CDK6: variants seen among roughly 807,000 people sequenced by gnomAD.
The protein encoded by CDK6 is cyclin-dependent kinase 6.
In CDK6, 6 loss-of-function variants were observed where a neutral mutation model predicts 37.1. The ratio of observed to expected loss-of-function variants is 0.16; its 90% CI spans 0.09 to 0.32. The LOEUF is 0.32. Ranked by LOEUF, CDK6 falls within the 10% of genes least tolerant of loss-of-function variation. The probability of loss-of-function intolerance (pLI) is 1.00; values close to 1 mark genes in which losing one functional copy is unlikely to be tolerated. For synonymous variants in CDK6, 160 were observed against 161.3 expected (o/e 0.99, Z 0.06); for missense variants, 224 against 418.9 (o/e 0.53, Z 4.06).
At chr7:92,718,319 G>T (rs893375794) in intron 4 of CDK6, among the ~76,000 whole-genome samples, 1 of 152,056 alleles carries the variant, frequency 6.6e-6, no homozygotes, top group Non-Finnish European at 1.5e-5. Context: ...GGGGCTTTGG[G>T]TTTTTTCCAT....
chr7:92,690,363 T>C (rs749920382), intron 4 of CDK6, among the ~76,000 whole-genome samples: 5 of 152,210 alleles, frequency 3.3e-5, no homozygotes, highest in Non-Finnish European at 7.4e-5. Context: ...CAGCACTGTT[T>C]ATTGAATAGG....
At chr7:92,716,204 T>C (rs1447616661) in intron 4 of CDK6, among the ~76,000 whole-genome samples, 1 of 152,174 alleles carries the variant, frequency 6.6e-6, no homozygotes, top group Non-Finnish European at 1.5e-5. Context: ...GAGTAGGAAA[T>C]CCATTCATTG....
chr7:92,821,193 C>T (rs1801164065), intron 2 of CDK6, among the ~76,000 whole-genome samples: 1 of 152,116 alleles, frequency 6.6e-6, no homozygotes, highest in African/African-American at 2.4e-5. Context: ...GCCCAGGCCA[C>T]CTGGTGTAGG....
chr7:92,647,656 C>G (rs1418125357), intron 5 of CDK6, among the ~76,000 whole-genome samples: 1 of 152,164 alleles, frequency 6.6e-6, no homozygotes, highest in Non-Finnish European at 1.5e-5. Flanking sequence ...TCCAAGTAAA[C>G]AAAGCAAAGA....
intron 2 of CDK6, among the ~76,000 whole-genome samples, chr7:92,791,671 C>T (rs1800284182): frequency 6.6e-6 from 1 of 152,094 alleles, no homozygotes; most frequent in Non-Finnish European, 1.5e-5. Context: ...GTGTTGGAGG[C>T]CCTGAAGAAG....
intron 4 of CDK6, among the ~76,000 whole-genome samples, chr7:92,695,076 C>A (rs1207872129): frequency 6.6e-6 from 1 of 151,892 alleles, no homozygotes; most frequent in Non-Finnish European, 1.5e-5. Flanking sequence ...TGCAAATGAT[C>A]AGTGAAAGTT....
At chr7:92,772,471 G>A (rs1799740831) in intron 3 of CDK6, among the ~76,000 whole-genome samples, 1 of 150,772 alleles carries the variant, frequency 6.6e-6, no homozygotes, top group Non-Finnish European at 1.5e-5. Context: ...CAGCCTCCAG[G>A]ACAATCCCTG....
At chr7:92,750,854 T>A (rs1799171543) in intron 3 of CDK6, among the ~76,000 whole-genome samples, 1 of 152,080 alleles carries the variant, frequency 6.6e-6, no homozygotes, top group South Asian at 2.1e-4. Flanking sequence ...AGGAAGTTTT[T>A]AAAAAAAGGA....
In CDK6 at chr7:92,607,106, C is replaced by T. The variant is rs1436553531; in HGVS notation, c.*8034G>A. 1.3e-5 allele frequency: 3 copies of T among 233,424 alleles called. No homozygotes were observed. Among genetic ancestry groups the T allele is most frequent in the South Asian group, 1.8e-4 (1 of 5,532 alleles). The allele number at this position is 233,424 out of a possible 1,614,324, so 14.5% of individuals were successfully genotyped here. A position where few individuals can be genotyped will look rare whatever the true frequency, so the allele number is the denominator to read the frequency against. On this transcript the variant is annotated 3_prime_UTR_variant, in exon 8 of 8. Transcript: ENST00000424848. ...GAAACTTGGACTTCTCCATCTGACA[C>T]GTTCTGGAAGCCTCAAGGCACAAGC... is the stretch of plus-strand genomic sequence containing the variant.
chr7:92,734,364 G>A (rs1277895236), intron 3 of CDK6, among the ~76,000 whole-genome samples: 1 of 152,152 alleles, frequency 6.6e-6, no homozygotes, highest in African/African-American at 2.4e-5. Context: ...CCTTAAAAGT[G>A]TAAACCTGAT....
At chr7:92,680,207 C>T (rs1481314425) in intron 4 of CDK6, among the ~76,000 whole-genome samples, 1 of 150,080 alleles carries the variant, frequency 6.7e-6, no homozygotes, top group South Asian at 2.1e-4. Flanking sequence ...CTGAGGAGGG[C>T]GGATGACCTG....
At chr7:92,701,979 T>C (rs575231756) in intron 4 of CDK6, among the ~76,000 whole-genome samples, 1 of 152,254 alleles carries the variant, frequency 6.6e-6, no homozygotes, top group African/African-American at 2.4e-5. Flanking sequence ...TTTTGAAATA[T>C]TTTCTACAGG....
chr7:92,615,558 TATTTAGTAATTCTTCCA>T (rs377470686), intron 7 of CDK6, among the ~76,000 whole-genome samples: 8 of 152,344 alleles, frequency 5.3e-5, no homozygotes, highest in African/African-American at 1.9e-4. Context: ...CATATAACTT[TATTTAGTAATTCTTCCA>T]GTGCTAGCAA....
chr7:92,664,312 T>A (rs1796908409), intron 5 of CDK6, among the ~76,000 whole-genome samples: 1 of 152,060 alleles, frequency 6.6e-6, no homozygotes, highest in African/African-American at 2.4e-5. Context: ...AAATGATGGG[T>A]TTCTTCTCAC....
chr7:92,685,883 G>T (rs945951464), intron 4 of CDK6, among the ~76,000 whole-genome samples: 4 of 152,144 alleles, frequency 2.6e-5, no homozygotes, highest in African/African-American at 9.7e-5. Context: ...TTACATGGAC[G>T]TAACTTTGAA....
chr7:92,662,395 C>T (rs531937691), intron 5 of CDK6, among the ~76,000 whole-genome samples: 12 of 151,916 alleles, frequency 7.9e-5, no homozygotes, highest in African/African-American at 2.2e-4. Context: ...GGGTCTCAGA[C>T]CAAAGGAGGG....
At chr7:92,616,854 A>C (rs754373168) in intron 7 of CDK6, among the ~76,000 whole-genome samples, 30 of 152,186 alleles carry the variant, frequency 2.0e-4, no homozygotes, top group South Asian at 6.2e-4. Flanking sequence ...GTGTGGGAGA[A>C]TCTCACGTTG....
chr7:92,725,426 C>T, intron 4 of CDK6, 200 bp downstream of exon 4: 1 of 740,420 alleles, frequency 1.4e-6, no homozygotes, highest in Non-Finnish European at 1.6e-6. Flanking sequence ...ATCCTGTCCA[C>T]AACAAGCCCA....
chr7:92,740,724 T>C (rs572116727), intron 3 of CDK6, among the ~76,000 whole-genome samples: 190 of 152,320 alleles, frequency 1.2e-3, no homozygotes, highest in African/African-American at 4.4e-3. Flanking sequence ...ATGAGCCAAC[T>C]TGTGTGGCAG....
Sources: allele counts gnomAD v4.1 joint callset (sites outside exome capture counted in the v4.1 genomes callset), GRCh38; gene constraint gnomAD v4.1.1; transcripts MANE v1.5; gene names NCBI Gene and HGNC (gene_info 2026-07-23, HGNC 2026-07-21).